PKNOX2: variants seen among roughly 807,000 people sequenced by gnomAD.
PKNOX2 encodes PBX/knotted 1 homeobox 2.
Under a neutral mutation model 53.1 loss-of-function variants are expected in PKNOX2, and 14 were observed. The observed-to-expected ratio is 0.26, with a 90% CI of 0.17 to 0.41. PKNOX2 has a LOEUF of 0.41. Among genes scored for constraint, PKNOX2 ranks in the 10% least tolerant of loss-of-function variants. The pLI, the probability that PKNOX2 is intolerant of heterozygous loss-of-function variation, is 1.00. For synonymous variants in PKNOX2, 257 were observed against 242.8 expected, an observed-to-expected ratio of 1.06 and a Z score of -0.54; for missense variants, 496 against 602.8, an observed-to-expected ratio of 0.82 and a Z score of 1.85.
At chr11:125,236,319 G>T (rs1204852246) in intron 2 of PKNOX2, among the ~76,000 whole-genome samples, 1 of 148,142 alleles carries the variant, frequency 6.8e-6, no homozygotes, top group South Asian at 2.2e-4. Flanking sequence ...GGATCTCCAG[G>T]CTGGGGTGTT....
Position 125,240,462 on chromosome 11 carries a change from G to GC in PKNOX2, c.-130+5347_-130+5348insC, listed in dbSNP as rs1379810805. On this transcript the variant is annotated intron_variant, in intron 2 of 12. Coordinates refer to ENST00000298282, the MANE Select transcript of PKNOX2 (RefSeq NM_001382323.2). The surrounding 1 kb of genome is among the most constrained non-coding windows in gnomAD (Gnocchi z 4.3). ...TTTCTGGAGAGGAGCTGGGAAGGAG[G>GC]GATGGGAGGGAGGAGAGAGAAGAGG... Among the ~76,000 whole-genome samples the GC allele has an allele frequency of 6.6e-6, 1 of 152,074 alleles. No individual in the cohort carries two copies. Among genetic ancestry groups the GC allele is most frequent in the Admixed American group, 6.5e-5 (1 of 15,270 alleles).
intron 2 of PKNOX2, among the ~76,000 whole-genome samples, chr11:125,324,090 A>G (rs1387755846): frequency 6.6e-6 from 1 of 151,994 alleles, no homozygotes; most frequent in Non-Finnish European, 1.5e-5. Context: ...AATGTCACCG[A>G]CTCACCAAAT....
intron 1 of PKNOX2, among the ~76,000 whole-genome samples, chr11:125,168,152 C>G (rs1040013502): frequency 1.3e-5 from 2 of 152,160 alleles, no homozygotes; most frequent in Non-Finnish European, 2.9e-5. Flanking sequence ...GGCTTTGCCT[C>G]GCGTTTAGTA....
At chr11:125,308,564 C>G (rs537259543) in intron 2 of PKNOX2, among the ~76,000 whole-genome samples, 1 of 152,208 alleles carries the variant, frequency 6.6e-6, no homozygotes, top group Non-Finnish European at 1.5e-5. Flanking sequence ...AAGGAGATGG[C>G]GACCTCCACA....
chr11:125,354,713 A>C (rs1225712424), intron 4 of PKNOX2, among the ~76,000 whole-genome samples: 1 of 152,214 alleles, frequency 6.6e-6, no homozygotes, highest in Non-Finnish European at 1.5e-5. Context: ...GCGAGTTCTT[A>C]ACTTGGCAAT....
At chr11:125,349,844 C>CAG (rs1227197640) in intron 3 of PKNOX2, among the ~76,000 whole-genome samples, 1 of 135,114 alleles carries the variant, frequency 7.4e-6, no homozygotes, top group Non-Finnish European at 1.5e-5. Flanking sequence ...GAATCACACA[C>CAG]ACACACACAC....
intron 1 of PKNOX2, among the ~76,000 whole-genome samples, chr11:125,219,532 A>G (rs925781748): frequency 6.6e-6 from 1 of 152,218 alleles, no homozygotes; most frequent in Non-Finnish European, 1.5e-5. Context: ...TCTCCCTAAT[A>G]TATGAAGAGC....
chr11:125,425,380 TTTTC>T (rs1404903441), intron 10 of PKNOX2, among the ~76,000 whole-genome samples: 3 of 150,420 alleles, frequency 2.0e-5, no homozygotes, highest in African/African-American at 5.0e-5. Flanking sequence ...CTGTACCTCT[TTTTC>T]TTTTTCTTTT....
chr11:125,198,398 G>A (rs1037632263), intron 1 of PKNOX2, among the ~76,000 whole-genome samples: 11 of 152,184 alleles, frequency 7.2e-5, no homozygotes, highest in South Asian at 2.1e-4. Context: ...TTTCAGCCGC[G>A]GATCCCCTCT....
intron 1 of PKNOX2, among the ~76,000 whole-genome samples, chr11:125,208,616 T>C (rs1333291935): frequency 6.6e-6 from 1 of 151,970 alleles, no homozygotes; most frequent in African/African-American, 2.4e-5. Context: ...ATGTGGAAAT[T>C]GGGCCAGTTA....
chr11:125,270,574 A>G (rs1945714305), intron 2 of PKNOX2, among the ~76,000 whole-genome samples: 1 of 152,190 alleles, frequency 6.6e-6, no homozygotes, highest in Admixed American at 6.5e-5. Context: ...TCAGGCTCTC[A>G]TTAATTCTTT....
chr11:125,423,391 T>C (rs971186014), intron 10 of PKNOX2, among the ~76,000 whole-genome samples: 12 of 152,098 alleles, frequency 7.9e-5, no homozygotes, highest in Non-Finnish European at 1.5e-4. Context: ...TCAACAATAA[T>C]TGAAAAAGCA....
chr11:125,244,143 A>G (rs928405953), intron 2 of PKNOX2, among the ~76,000 whole-genome samples: 1 of 152,264 alleles, frequency 6.6e-6, no homozygotes, highest in African/African-American at 2.4e-5. Context: ...CAGAGAGATC[A>G]GTACTGCCTT....
intron 6 of PKNOX2, among the ~76,000 whole-genome samples, chr11:125,393,820 C>T (rs1211753824): frequency 6.6e-6 from 1 of 151,784 alleles, no homozygotes; most frequent in Non-Finnish European, 1.5e-5. Flanking sequence ...GAACCCCGTA[C>T]TTGCTGTCAC....
chr11:125,246,971 G>A (rs180921970), intron 2 of PKNOX2, among the ~76,000 whole-genome samples: 13 of 152,268 alleles, frequency 8.5e-5, no homozygotes, highest in Admixed American at 8.5e-4. Context: ...ACAAGAATAA[G>A]TTGCTTATCC....
chr11:125,336,829 G>A (rs1474593500), intron 3 of PKNOX2, among the ~76,000 whole-genome samples: 4 of 145,506 alleles, frequency 2.7e-5, no homozygotes, highest in African/African-American at 5.0e-5. Flanking sequence ...ACATATAATA[G>A]TATAATATAC....
chr11:125,359,101 C>T (rs1951782267), intron 4 of PKNOX2, among the ~76,000 whole-genome samples: 1 of 146,124 alleles, frequency 6.8e-6, no homozygotes, highest in Non-Finnish European at 1.5e-5. Context: ...AGGTAGACAC[C>T]ATCGGAAAGG....
intron 1 of PKNOX2, among the ~76,000 whole-genome samples, chr11:125,170,510 G>C (rs1955211682): frequency 1.3e-5 from 2 of 152,174 alleles, no homozygotes; most frequent in South Asian, 4.1e-4. Flanking sequence ...GAGAGAGGGA[G>C]AAGCAAGCCC....
chr11:125,205,486 T>C (rs991440572), intron 1 of PKNOX2, among the ~76,000 whole-genome samples: 3 of 152,274 alleles, frequency 2.0e-5, no homozygotes, highest in Non-Finnish European at 4.4e-5. Context: ...CCTCTGTTTC[T>C]GAATTCATAA....
Sources: gnomAD v4.1 joint callset for allele counts (sites outside exome capture counted in the v4.1 genomes callset) on GRCh38, gnomAD v4.1.1 for gene constraint, Gnocchi (gnomAD v3.1) non-coding constraint, MANE v1.5 for transcripts, NCBI Gene and HGNC (gene_info 2026-07-23, HGNC 2026-07-21) for gene names.